NRG1: variants seen among roughly 807,000 people sequenced by gnomAD.
NRG1 encodes pro-neuregulin-1, membrane-bound isoform.
Under a neutral mutation model 63.8 loss-of-function variants are expected in NRG1, and 18 were observed. That is an observed-to-expected ratio of 0.28 (90% CI 0.19 to 0.42). The LOEUF (loss-of-function observed/expected upper bound fraction) is 0.42, where lower values mean the gene tolerates loss of function less well. Among genes scored for constraint, NRG1 ranks in the 10% least tolerant of loss-of-function variants. NRG1 has a pLI of 1.00. For missense variants in NRG1, 762 were observed against 814.7 expected, an observed-to-expected ratio of 0.94 and a Z score of 0.79; for synonymous variants, 302 against 301.3, an observed-to-expected ratio of 1.00 and a Z score of -0.02.
intron 5 of NRG1, chr8:32,648,472 G>T (rs1854198818): frequency 2.7e-6 from 4 of 1,492,242 alleles, no homozygotes; most frequent in Non-Finnish European, 1.8e-6. Flanking sequence ...CTTTCTTCTT[G>T]CATTTTAGTT....
intron 1 of NRG1, among the ~76,000 whole-genome samples, chr8:32,477,169 G>C (rs1015470233): frequency 6.6e-6 from 1 of 152,018 alleles, no homozygotes; most frequent in African/African-American, 2.4e-5. Flanking sequence ...GTGCCTTTCC[G>C]AAGTTTCCTC....
At chr8:32,647,807 T>A (rs1272666417) in intron 5 of NRG1, 1 of 1,613,838 alleles carries the variant, frequency 6.2e-7, no homozygotes, top group Non-Finnish European at 8.5e-7. Flanking sequence ...CATCTCTTGA[T>A]GGGCTTCCGG....
chr8:32,242,480 A>G (rs992778125), intron 1 of NRG1, among the ~76,000 whole-genome samples: 1 of 152,228 alleles, frequency 6.6e-6, no homozygotes, highest in Non-Finnish European at 1.5e-5. Context: ...TCTCAAAAAG[A>G]AAAAAGAAAA....
chr8:32,715,233 G>A (rs548540318), intron 5 of NRG1, among the ~76,000 whole-genome samples: 61 of 152,192 alleles, frequency 4.0e-4, no homozygotes, highest in African/African-American at 1.3e-3. Flanking sequence ...GGGATTACAC[G>A]TGTGAACAAC....
In NRG1 at chr8:32,412,423, CATATA is replaced by C. The variant is rs1815130256; in HGVS notation, c.38-183404_38-183400del. ...TCCTCTCTCTCTCTCTCTCTCTCTA[CATATA>C]TATATATATATATATATATATATAC... On this transcript the variant is annotated intron_variant, in intron 1 of 10. Transcript: ENST00000519301. Among the ~76,000 whole-genome samples the C allele has an allele frequency of 4.7e-3, 436 of 93,000 alleles. 9 individuals are homozygous for C. Among genetic ancestry groups the C allele is most frequent in the African/African-American group, 0.018 (427 of 24,234 alleles). 61.0% of individuals were successfully genotyped at this position (93,000 alleles called of 152,430 possible).
intron 1 of NRG1, among the ~76,000 whole-genome samples, chr8:31,799,931 T>C (rs887842169): frequency 6.6e-6 from 1 of 152,176 alleles, no homozygotes; most frequent in Non-Finnish European, 1.5e-5. Context: ...TTTGTAAAGT[T>C]CTTGCCTGTA....
intron 1 of NRG1, among the ~76,000 whole-genome samples, chr8:32,506,745 T>C (rs1828576464): frequency 1.3e-5 from 2 of 152,194 alleles, no homozygotes; most frequent in South Asian, 4.2e-4. Flanking sequence ...CTGGGCATGG[T>C]GGCTCACACC....
intron 1 of NRG1, among the ~76,000 whole-genome samples, chr8:32,161,433 G>C (rs188947247): frequency 6.6e-6 from 1 of 152,152 alleles, no homozygotes; most frequent in Admixed American, 6.6e-5. Flanking sequence ...AACCTGAAAT[G>C]ATACAATTAA....
rs1287404773 is a variant in NRG1, at chr8:32,412,446, A to C, written c.38-183382A>C. ...TACATATATATATATATATATATAT[A>C]TATATACATATATATATATATATAT... On this transcript the variant is annotated intron_variant, in intron 1 of 10. Coordinates refer to the NRG1 transcript ENST00000519301. Among the ~76,000 whole-genome samples the C allele has an allele frequency of 1.3e-4, 7 of 52,090 alleles. No individual in the cohort carries two copies. The South Asian group carries it at 7.1e-3, about 53-fold the overall frequency. The allele number at this position is 52,090 out of a possible 152,430, so 34.2% of individuals were successfully genotyped here.
intron 1 of NRG1, among the ~76,000 whole-genome samples, chr8:32,017,536 C>T (rs150094647): frequency 1.3e-3 from 198 of 152,272 alleles, no homozygotes; most frequent in Admixed American, 5.6e-3. Flanking sequence ...GACCACCGTT[C>T]GCTTCACATG....
At chr8:32,032,107 G>C (rs1818342574) in intron 1 of NRG1, among the ~76,000 whole-genome samples, 1 of 152,056 alleles carries the variant, frequency 6.6e-6, no homozygotes, top group African/African-American at 2.4e-5. Flanking sequence ...CAACTTGCCA[G>C]CACCTGTCAT....
intron 1 of NRG1, among the ~76,000 whole-genome samples, chr8:31,851,718 A>G (rs1241329016): frequency 6.7e-6 from 1 of 149,348 alleles, no homozygotes; most frequent in Non-Finnish European, 1.5e-5. Context: ...CTAACTCGTC[A>G]TCTAGCATTA....
At chr8:32,397,165 A>G (rs1027469771) in intron 1 of NRG1, among the ~76,000 whole-genome samples, 6 of 152,186 alleles carry the variant, frequency 3.9e-5, no homozygotes, top group African/African-American at 1.4e-4. Context: ...GATAATCTAT[A>G]GATATCTAAT....
At chr8:32,599,772 C>T (rs1403555085) in intron 2 of NRG1, among the ~76,000 whole-genome samples, 1 of 152,134 alleles carries the variant, frequency 6.6e-6, no homozygotes, top group Non-Finnish European at 1.5e-5. Context: ...TCTATCTTAG[C>T]TTTATTAAAG....
intron 1 of NRG1, among the ~76,000 whole-genome samples, chr8:32,311,200 G>A (rs1856771260): frequency 6.6e-6 from 1 of 152,196 alleles, no homozygotes; most frequent in Non-Finnish European, 1.5e-5. Flanking sequence ...CTGTTTTAGG[G>A]ACTGAAGATA....
rs571401238 is a variant in NRG1, at chr8:31,738,385, A to G, written c.37+98954A>G. On this transcript the variant is annotated intron_variant, in intron 1 of 10. Coordinates refer to the NRG1 transcript ENST00000519301. ...CTGAGTGTCTATCACTACTTAATGC[A>G]TGTATAATGCCCTGCTGTACTGATA... is the stretch of plus-strand genomic sequence containing the variant. Among the ~76,000 whole-genome samples the G allele has an allele frequency of 4.6e-5, 7 of 152,226 alleles. No homozygotes were observed. In the East Asian group the frequency reaches 1.4e-3, roughly 29 times the overall value.
At chr8:31,964,668 A>G (rs1005554517) in intron 1 of NRG1, among the ~76,000 whole-genome samples, 2 of 152,178 alleles carry the variant, frequency 1.3e-5, no homozygotes, top group Admixed American at 6.5e-5. Context: ...CAAAAACAAT[A>G]ACAAAACACA....
intron 1 of NRG1, among the ~76,000 whole-genome samples, chr8:32,200,819 C>T (rs1386573134): frequency 6.6e-6 from 1 of 152,162 alleles, no homozygotes; most frequent in Non-Finnish European, 1.5e-5. Flanking sequence ...ACTTGTGGTA[C>T]ATGTTGTTTG....
chr8:31,740,686 A>T (rs375919085), intron 1 of NRG1, among the ~76,000 whole-genome samples: 4,147 of 93,180 alleles, frequency 0.045, 106 homozygotes, highest in Admixed American at 0.13. Flanking sequence ...TGTGTGTGTG[A>T]GAGAGAGAGA....
Sources: allele counts gnomAD v4.1 joint callset (sites outside exome capture counted in the v4.1 genomes callset), GRCh38; gene constraint gnomAD v4.1.1; transcripts MANE v1.5; gene names NCBI Gene and HGNC (gene_info 2026-07-23, HGNC 2026-07-21).